Variants in GALNT7 observed in about 807,000 individuals in gnomAD.
The protein encoded by GALNT7 is N-acetylgalactosaminyltransferase 7.
In GALNT7, 60 loss-of-function variants were observed where a neutral mutation model predicts 82.1. The ratio of observed to expected loss-of-function variants is 0.73; its 90% CI spans 0.59 to 0.91. The LOEUF (loss-of-function observed/expected upper bound fraction) is 0.91. Among genes scored for constraint, GALNT7 ranks in the 40% least tolerant of loss-of-function variants. The pLI, the probability that GALNT7 is intolerant of heterozygous loss-of-function variation, is 0.00. For synonymous variants in GALNT7, 243 were observed against 275.1 expected, an observed-to-expected ratio of 0.88 and a Z score of 1.15; for missense variants, 660 against 804.2, an observed-to-expected ratio of 0.82 and a Z score of 2.17.
At chr4:173,285,963 A>G (rs1736306136) in intron 2 of GALNT7, among the ~76,000 whole-genome samples, 1 of 152,220 alleles carries the variant, frequency 6.6e-6, no homozygotes, top group Non-Finnish European at 1.5e-5. Flanking sequence ...TCTTTCACGT[A>G]TGCATCAAGA....
At chr4:173,286,068 A>G (rs892093385) in intron 2 of GALNT7, among the ~76,000 whole-genome samples, 14 of 152,252 alleles carry the variant, frequency 9.2e-5, no homozygotes, top group African/African-American at 3.4e-4. Flanking sequence ...CTATGAAGAG[A>G]AAAACATAAA....
chr4:173,257,023 T>TATAAAACTCCA (rs1221087638), intron 2 of GALNT7, among the ~76,000 whole-genome samples: 2 of 152,346 alleles, frequency 1.3e-5, no homozygotes, highest in East Asian at 1.9e-4. Flanking sequence ...CATAGTCGGC[T>TATAAAACTCCA]ATAAAACTCC....
At chr4:173,175,779 A>G (rs1732019170) in intron 1 of GALNT7, among the ~76,000 whole-genome samples, 1 of 152,164 alleles carries the variant, frequency 6.6e-6, no homozygotes, top group Non-Finnish European at 1.5e-5. Context: ...TGGTAATATG[A>G]AAGAGAATGG....
chr4:173,209,916 C>T (rs751623631), intron 1 of GALNT7, among the ~76,000 whole-genome samples: 2 of 151,984 alleles, frequency 1.3e-5, no homozygotes, highest in Non-Finnish European at 2.9e-5. Context: ...AGGTGGATCA[C>T]GAGGTCAGGA....
rs1019440479 is a variant in GALNT7, at chr4:173,237,518, C to T, written c.127-10462C>T. On this transcript the variant is annotated intron_variant, in intron 1 of 11. Coordinates refer to ENST00000265000, the MANE Select transcript of GALNT7 (RefSeq NM_017423.3). ...ATGCCACATTTGACCTCATTCTGCT[C>T]TCAGTCAGTAAAATGTTTTTCTTAG... Among the ~76,000 whole-genome samples the T allele has an allele frequency of 5.3e-5, 8 of 152,142 alleles. No homozygotes were observed. In the South Asian group the frequency reaches 1.2e-3, roughly 24 times the overall value.
At position 173,322,169 on chromosome 4, in the gene GALNT7, T is replaced by C. The variant is rs1737846315; in HGVS notation, c.*452T>C. 6.5e-6 allele frequency: 1 copy of C among 154,058 alleles called. No homozygotes were observed. Among genetic ancestry groups the C allele is most frequent in the Non-Finnish European group, 1.5e-5 (1 of 68,916 alleles). 9.5% of individuals were successfully genotyped at this position (154,058 alleles called of 1,614,324 possible). A position where few individuals can be genotyped will look rare whatever the true frequency, so the allele number is the denominator to read the frequency against. On this transcript the variant is annotated 3_prime_UTR_variant, in exon 12 of 12. Transcript: ENST00000265000. ...GTGTCTTTATTTAATTTTACATCTTTTTGAAGCACTGCCACAGGTTATTAG... is the reference window on the plus strand; with the variant it reads ...GTGTCTTTATTTAATTTTACATCTTCTTGAAGCACTGCCACAGGTTATTAG...
intron 5 of GALNT7, chr4:173,297,732 G>C: frequency 8.4e-6 from 6 of 717,582 alleles, no homozygotes; most frequent in Non-Finnish European, 1.0e-5. Flanking sequence ...AGATAACGTA[G>C]TTAGGCATGC....
At chr4:173,237,247 T>C (rs1173294709) in intron 1 of GALNT7, among the ~76,000 whole-genome samples, 1 of 152,218 alleles carries the variant, frequency 6.6e-6, no homozygotes, top group Non-Finnish European at 1.5e-5. Context: ...ATACCAATCA[T>C]AATGTATGTG....
At chr4:173,220,158 G>C (rs1387358479) in intron 1 of GALNT7, among the ~76,000 whole-genome samples, 1 of 152,142 alleles carries the variant, frequency 6.6e-6, no homozygotes, top group East Asian at 1.9e-4. Flanking sequence ...GATCTATCTT[G>C]AGTTGATTTT....
intron 1 of GALNT7, among the ~76,000 whole-genome samples, chr4:173,229,201 T>C (rs1669376918): frequency 6.6e-6 from 1 of 152,210 alleles, no homozygotes; most frequent in African/African-American, 2.4e-5. Flanking sequence ...AGTATATCAT[T>C]TCCTGCATAT....
intron 3 of GALNT7, among the ~76,000 whole-genome samples, chr4:173,294,140 A>G (rs562405688): frequency 1.3e-5 from 2 of 152,300 alleles, no homozygotes; most frequent in Non-Finnish European, 2.9e-5. Context: ...AACATAGGCC[A>G]TCAATTCATT....
intron 1 of GALNT7, among the ~76,000 whole-genome samples, chr4:173,241,301 A>C (rs1481759752): frequency 6.6e-6 from 1 of 152,116 alleles, no homozygotes; most frequent in Admixed American, 6.6e-5. Context: ...TTTCCTGTTA[A>C]GTCAGGCAAA....
chr4:173,291,142 C>A lies in GALNT7; in HGVS notation c.588-966C>A, dbSNP rs1329619501. ...ACCAATTCTGGTGTCCGTTGTAAAT[C>A]AAAATTGCTGTCTTTCTCACCCAGT... On this transcript the variant is annotated intron_variant, in intron 2 of 11. Transcript: ENST00000265000. 2.6e-5 allele frequency among the ~76,000 whole-genome samples: 4 copies of A among 152,170 alleles called. 1 individual carries two copies. The highest frequency in any genetic ancestry group is 9.7e-5 in the African/African-American group (4 of 41,434).
At chr4:173,242,252 A>G (rs953642844) in intron 1 of GALNT7, among the ~76,000 whole-genome samples, 1 of 152,190 alleles carries the variant, frequency 6.6e-6, no homozygotes, top group Non-Finnish European at 1.5e-5. Context: ...AAGCGGGTCT[A>G]TTTCTTTGAG....
intron 1 of GALNT7, among the ~76,000 whole-genome samples, chr4:173,218,050 C>T (rs774801492): frequency 6.6e-6 from 1 of 152,146 alleles, no homozygotes; most frequent in Non-Finnish European, 1.5e-5. Context: ...TAAATTTTGT[C>T]TTGGCTTCTG....
chr4:173,264,343 A>C (rs997876251), intron 2 of GALNT7, among the ~76,000 whole-genome samples: 2 of 152,122 alleles, frequency 1.3e-5, no homozygotes, highest in Admixed American at 1.3e-4. Context: ...AAGATGATAA[A>C]TTGTCTTATT....
chr4:173,259,933 C>T lies in GALNT7; in HGVS notation c.587+11493C>T, dbSNP rs559792650. Among the ~76,000 whole-genome samples the T allele has an allele frequency of 3.5e-4, 53 of 152,294 alleles. No homozygotes were observed. In the South Asian group the frequency reaches 1.0e-2, roughly 29 times the overall value. ...GATTACAGGCGTGAGCCACCATGCCCGGCCCATTTCTTGTATTTTTAATTA... is the reference window on the plus strand; with the variant it reads ...GATTACAGGCGTGAGCCACCATGCCTGGCCCATTTCTTGTATTTTTAATTA... On this transcript the variant is annotated intron_variant, in intron 2 of 11. Coordinates refer to ENST00000265000, the MANE Select transcript of GALNT7 (RefSeq NM_017423.3).
At chr4:173,282,258 T>C (rs1001099972) in intron 2 of GALNT7, among the ~76,000 whole-genome samples, 1 of 152,200 alleles carries the variant, frequency 6.6e-6, no homozygotes, top group African/African-American at 2.4e-5. Flanking sequence ...AGCCCCCGTC[T>C]TCCCTGTGCA....
chr4:173,317,430 G>C (rs1015581944), intron 9 of GALNT7: 3 of 480,742 alleles, frequency 6.2e-6, no homozygotes, highest in South Asian at 5.3e-5. Flanking sequence ...CTTAGAGAAA[G>C]AACCCATTCC....
Sources: allele counts gnomAD v4.1 joint callset (sites outside exome capture counted in the v4.1 genomes callset), GRCh38; gene constraint gnomAD v4.1.1; transcripts MANE v1.5; gene names NCBI Gene and HGNC (gene_info 2026-07-23, HGNC 2026-07-21).